MCTP1: variants seen among roughly 807,000 people sequenced by gnomAD.
MCTP1 encodes multiple C2 and transmembrane domain-containing protein 1.
A neutral mutation model predicts 120.6 loss-of-function variants in MCTP1; 69 were observed. The ratio of observed to expected loss-of-function variants is 0.57; its 90% CI spans 0.47 to 0.70. The LOEUF (loss-of-function observed/expected upper bound fraction) is 0.70. Among genes scored for constraint, MCTP1 ranks in the 30% least tolerant of loss-of-function variants. MCTP1 has a pLI of 0.00. For synonymous variants in MCTP1, 529 were observed against 493.1 expected (o/e 1.07, Z -0.96); for missense variants, 1,203 against 1,248.8 (o/e 0.96, Z 0.55).
chr5:95,189,157 T>C (rs1749559738), intron 1 of MCTP1, among the ~76,000 whole-genome samples: 3 of 152,138 alleles, frequency 2.0e-5, no homozygotes, highest in African/African-American at 7.2e-5. Flanking sequence ...AAATTGTTCA[T>C]ACATGCAACA....
intron 1 of MCTP1, among the ~76,000 whole-genome samples, chr5:95,041,780 T>G (rs1842406180): frequency 6.6e-6 from 1 of 152,180 alleles, no homozygotes; most frequent in Non-Finnish European, 1.5e-5. Context: ...ATCCCAGAAG[T>G]TGTAGGAAAA....
chr5:95,062,158 G>A (rs576348492), intron 1 of MCTP1, among the ~76,000 whole-genome samples: 1 of 152,328 alleles, frequency 6.6e-6, no homozygotes, highest in South Asian at 2.1e-4. Flanking sequence ...TTTGGTCATA[G>A]TATTGATTCA....
chr5:94,819,068 A>C (rs1488943972), intron 17 of MCTP1, among the ~76,000 whole-genome samples: 1 of 147,726 alleles, frequency 6.8e-6, no homozygotes, highest in Admixed American at 6.7e-5. Flanking sequence ...AAGCAAGATA[A>C]ACTACTTCAA....
At position 95,061,635 on chromosome 5, in the gene MCTP1, C is replaced by A. The variant is rs569136884; in HGVS notation, c.721-44151G>T. On this transcript the variant is annotated intron_variant, in intron 1 of 22. Coordinates refer to ENST00000515393, the MANE Select transcript of MCTP1 (RefSeq NM_024717.7). ...TATTTTTAGTAGAGACGGGGTTTCA[C>A]CGTGTTAGCCGGGATGGTCTCGATC... is the stretch of plus-strand genomic sequence containing the variant. Among the ~76,000 whole-genome samples, 30 of 151,434 alleles carry A rather than the reference C, an allele frequency of 2.0e-4. No homozygotes were observed. In the East Asian group the frequency reaches 4.9e-3, roughly 24 times the overall value.
At chr5:94,905,624 C>A (rs576010558) in intron 10 of MCTP1, among the ~76,000 whole-genome samples, 2 of 152,338 alleles carry the variant, frequency 1.3e-5, no homozygotes, top group East Asian at 3.9e-4. Context: ...AGGAATCAAA[C>A]ATGGTTCCAC....
intron 17 of MCTP1, among the ~76,000 whole-genome samples, chr5:94,840,076 C>T (rs1038868027): frequency 2.6e-5 from 4 of 152,098 alleles, no homozygotes; most frequent in Non-Finnish European, 4.4e-5. Context: ...GGATACAGAG[C>T]CCCGTCCTTT....
chr5:95,023,168 AG>A (rs1838531827), intron 1 of MCTP1, among the ~76,000 whole-genome samples: 2 of 152,190 alleles, frequency 1.3e-5, no homozygotes, highest in African/African-American at 2.4e-5. Flanking sequence ...TTTTGAAGAC[AG>A]AAACAATAGA....
At chr5:94,867,639 A>C in intron 17 of MCTP1, 2 of 375,240 alleles carry the variant, frequency 5.3e-6, no homozygotes, top group East Asian at 4.2e-5. Flanking sequence ...AGCCAAAATA[A>C]TGTGAGAGAA....
Position 95,045,868 on chromosome 5 carries a change from T to G in MCTP1, c.721-28384A>C, listed in dbSNP as rs563047895. On this transcript the variant is annotated intron_variant, in intron 1 of 22. Coordinates refer to ENST00000515393, the MANE Select transcript of MCTP1 (RefSeq NM_024717.7). ...TAAGAATATCACTCTGTAGCCAGACTGCTTGAGTTTGAATCCTGGCTCTGA... is the reference window on the plus strand; with the variant it reads ...TAAGAATATCACTCTGTAGCCAGACGGCTTGAGTTTGAATCCTGGCTCTGA... Among the ~76,000 whole-genome samples, 5 of 152,264 alleles carry G rather than the reference T, an allele frequency of 3.3e-5. No individual in the cohort carries two copies. The South Asian group carries it at 1.0e-3, about 32-fold the overall frequency.
At chr5:94,720,769 AAATG>A (rs1760711795) in intron 19 of MCTP1, among the ~76,000 whole-genome samples, 1 of 152,248 alleles carries the variant, frequency 6.6e-6, no homozygotes, top group Non-Finnish European at 1.5e-5. Context: ...TAGAAGAAAT[AAATG>A]AACTGGTACT....
intron 17 of MCTP1, among the ~76,000 whole-genome samples, chr5:94,822,146 G>A (rs1785815514): frequency 6.6e-6 from 1 of 152,040 alleles, no homozygotes; most frequent in Admixed American, 6.6e-5. Context: ...GTTCCATAGC[G>A]GTTTGCTCCA....
At chr5:94,987,710 T>C (rs1830670699) in intron 2 of MCTP1, among the ~76,000 whole-genome samples, 1 of 152,202 alleles carries the variant, frequency 6.6e-6, no homozygotes, top group South Asian at 2.1e-4. Flanking sequence ...GAACACACAA[T>C]GTAATGTATG....
intron 17 of MCTP1, among the ~76,000 whole-genome samples, chr5:94,862,326 G>A (rs1301696435): frequency 6.6e-6 from 1 of 151,696 alleles, no homozygotes; most frequent in African/African-American, 2.4e-5. Context: ...GAGAGTAGCA[G>A]ACCCTGTGGC....
chr5:94,935,262 T>C (rs554206445), intron 5 of MCTP1, among the ~76,000 whole-genome samples: 10 of 152,178 alleles, frequency 6.6e-5, no homozygotes, highest in South Asian at 6.2e-4. Flanking sequence ...TTAGAGGCTT[T>C]AGTAGATTCA....
intron 1 of MCTP1, among the ~76,000 whole-genome samples, chr5:95,272,174 C>T (rs566722611): frequency 1.3e-5 from 2 of 152,146 alleles, no homozygotes; most frequent in East Asian, 1.9e-4. Context: ...TGTGTGCATA[C>T]GTGTGTATAA....
intron 1 of MCTP1, among the ~76,000 whole-genome samples, chr5:95,210,811 A>G (rs1451690469): frequency 6.6e-6 from 1 of 151,992 alleles, no homozygotes; most frequent in African/African-American, 2.4e-5. Context: ...AGCGGCTGGT[A>G]CCGGTTGTTC....
rs73776341 is a variant in MCTP1 at position 95,252,353 on chromosome 5, C to A, written c.720+31503G>T. 6.2e-3 allele frequency among the ~76,000 whole-genome samples: 950 copies of A among 152,256 alleles called. 11 individuals are homozygous for A. The highest frequency in any genetic ancestry group is 0.021 in the African/African-American group (873 of 41,560). On this transcript the variant is annotated intron_variant, in intron 1 of 22. Transcript: ENST00000515393. Reference sequence around the variant, plus strand: ...AAAAACTGGAAGATAGGGGCACTATCTTCCTTGATTGCATTTCAAAAAGAT... The same window carrying A: ...AAAAACTGGAAGATAGGGGCACTATATTCCTTGATTGCATTTCAAAAAGAT...
intron 1 of MCTP1, among the ~76,000 whole-genome samples, chr5:95,090,946 CA>C (rs1333343152): frequency 6.6e-6 from 1 of 152,060 alleles, no homozygotes; most frequent in Non-Finnish European, 1.5e-5. Flanking sequence ...AAAGTGATGG[CA>C]AAAAACGCAA....
At chr5:94,920,266 A>C (rs1038169585) in intron 7 of MCTP1, among the ~76,000 whole-genome samples, 5 of 129,170 alleles carry the variant, frequency 3.9e-5, no homozygotes, top group African/African-American at 1.1e-4. Flanking sequence ...TGCCTTACAG[A>C]GACCTGTTTT....
Sources: gnomAD v4.1 joint callset for allele counts (sites outside exome capture counted in the v4.1 genomes callset) on GRCh38, gnomAD v4.1.1 for gene constraint, MANE v1.5 for transcripts, NCBI Gene and HGNC (gene_info 2026-07-23, HGNC 2026-07-21) for gene names.